Variants in CCDC192 observed in about 807,000 individuals in gnomAD.
The protein encoded by CCDC192 is coiled-coil domain containing 192, also known as coiled-coil domain-containing protein 192.
At chr5:127,934,349 A>G (rs1468572541) in intron 6 of CCDC192, among the ~76,000 whole-genome samples, 3 of 152,228 alleles carry the variant, frequency 2.0e-5, no homozygotes, top group Non-Finnish European at 2.9e-5. Flanking sequence ...TATATTATCA[A>G]AAGTTTCTAG....
chr5:127,755,447 T>G (rs1236343978), intron 3 of CCDC192, among the ~76,000 whole-genome samples: 1 of 152,178 alleles, frequency 6.6e-6, no homozygotes, highest in Non-Finnish European at 1.5e-5. Flanking sequence ...TGGCATGTAT[T>G]TATTGTTTAC....
At chr5:127,792,826 AAGGAGGAGG>A (rs968571117) in intron 3 of CCDC192, among the ~76,000 whole-genome samples, 1 of 93,994 alleles carries the variant, frequency 1.1e-5, no homozygotes, top group Non-Finnish European at 2.1e-5. Flanking sequence ...GAAGAAGAAG[AAGGAGGAGG>A]AGGAGGAGGA....
chr5:127,914,580 AC>A (rs1450948701), intron 6 of CCDC192, among the ~76,000 whole-genome samples: 1 of 152,176 alleles, frequency 6.6e-6, no homozygotes, highest in African/African-American at 2.4e-5. Context: ...GAGATTGTGA[AC>A]CTGTACAAAT....
At chr5:127,745,746 T>C (rs779649756) in intron 2 of CCDC192, among the ~76,000 whole-genome samples, 1 of 152,214 alleles carries the variant, frequency 6.6e-6, no homozygotes, top group Non-Finnish European at 1.5e-5. Context: ...TAACAGACTG[T>C]TGATTAGTAT....
At chr5:127,768,616 C>A (rs1452912864) in intron 3 of CCDC192, among the ~76,000 whole-genome samples, 2 of 152,112 alleles carry the variant, frequency 1.3e-5, no homozygotes, top group Admixed American at 6.5e-5. Context: ...CCATAGCAGA[C>A]AAATACAAGA....
intron 5 of CCDC192, among the ~76,000 whole-genome samples, chr5:127,824,346 A>G (rs574910453): frequency 1.3e-5 from 2 of 152,350 alleles, no homozygotes; most frequent in East Asian, 3.9e-4. Context: ...ATTTGAATGG[A>G]TCCTGTTTAA....
At chr5:127,875,504 A>G (rs1752038957) in intron 5 of CCDC192, 34 bp from the exon 6 acceptor site, 3 of 376,166 alleles carry the variant, frequency 8.0e-6, no homozygotes, top group Admixed American at 5.1e-5. Flanking sequence ...GTCTGTCCCT[A>G]GTGATGGAAA....
At chr5:127,752,181 G>C (rs543099270) in intron 2 of CCDC192, among the ~76,000 whole-genome samples, 1 of 152,216 alleles carries the variant, frequency 6.6e-6, no homozygotes, top group African/African-American at 2.4e-5. Flanking sequence ...TTTGGAGGAG[G>C]AGAGGCACTC....
intron 2 of CCDC192, among the ~76,000 whole-genome samples, chr5:127,714,847 T>C (rs1000025180): frequency 1.2e-4 from 19 of 152,352 alleles, no homozygotes; most frequent in Admixed American, 3.3e-4. Context: ...TGATATCTTA[T>C]TGTGGTTTTG....
intron 6 of CCDC192, among the ~76,000 whole-genome samples, chr5:127,900,487 G>A (rs762439701): frequency 1.3e-5 from 2 of 152,188 alleles, no homozygotes; most frequent in Admixed American, 6.5e-5. Flanking sequence ...TGGGAAATAC[G>A]ATCTGCCATC....
intron 6 of CCDC192, among the ~76,000 whole-genome samples, chr5:127,931,211 C>T (rs534628007): frequency 1.6e-4 from 24 of 152,282 alleles, no homozygotes; most frequent in Admixed American, 2.6e-4. Flanking sequence ...CTCTCTTTCC[C>T]ACCCCTACCC....
chr5:127,734,273 T>C (rs2126823146), intron 2 of CCDC192, among the ~76,000 whole-genome samples: 1 of 152,188 alleles, frequency 6.6e-6, no homozygotes, highest in East Asian at 1.9e-4. Context: ...TTTTTATGGC[T>C]GCATAGTATT....
chr5:127,820,712 A>AT (rs201569049), intron 5 of CCDC192, among the ~76,000 whole-genome samples: 3 of 151,942 alleles, frequency 2.0e-5, no homozygotes, highest in African/African-American at 4.8e-5. Flanking sequence ...TATACATGTT[A>AT]TTTTTTTTAA....
intron 5 of CCDC192, among the ~76,000 whole-genome samples, chr5:127,817,943 A>G (rs1455228146): frequency 4.6e-5 from 7 of 152,200 alleles, no homozygotes; most frequent in African/African-American, 7.2e-5. Flanking sequence ...AAGCTATGAC[A>G]TTGTAGAAGT....
intron 6 of CCDC192, among the ~76,000 whole-genome samples, chr5:127,929,135 T>C (rs1753948282): frequency 6.6e-6 from 1 of 152,206 alleles, no homozygotes; most frequent in African/African-American, 2.4e-5. Context: ...TATGTGATGA[T>C]CCCACTTGGC....
At chr5:127,790,351 G>T (rs1756795892) in intron 3 of CCDC192, among the ~76,000 whole-genome samples, 1 of 151,978 alleles carries the variant, frequency 6.6e-6, no homozygotes, top group Non-Finnish European at 1.5e-5. Context: ...TATCATAGTT[G>T]TACATATTTT....
chr5:127,902,648 A>G (rs1234293549), intron 6 of CCDC192, among the ~76,000 whole-genome samples: 1 of 152,232 alleles, frequency 6.6e-6, no homozygotes, highest in African/African-American at 2.4e-5. Context: ...AACTTGCATG[A>G]CTATAAAGTG....
In CCDC192 at chr5:127,890,680, T is replaced by C. The variant is rs113296017; in HGVS notation, c.535+15019T>C. Among the ~76,000 whole-genome samples, 51 of 152,360 alleles carry C rather than the reference T, an allele frequency of 3.3e-4. 1 individual carries two copies. Among genetic ancestry groups the C allele is most frequent in the African/African-American group, 1.2e-3 (48 of 41,584 alleles). On this transcript the variant is annotated intron_variant, in intron 6 of 6. Coordinates refer to ENST00000514853, the MANE Select transcript of CCDC192 (RefSeq NM_001317938.2). ...ACATCATTTTCAGTCAAAAATTCTTTCATGGATTCCCATTGCCTGTGAAAT... is the reference window on the plus strand; with the variant it reads ...ACATCATTTTCAGTCAAAAATTCTTCCATGGATTCCCATTGCCTGTGAAAT...
At chr5:127,817,526 A>G (rs899943960) in intron 5 of CCDC192, among the ~76,000 whole-genome samples, 2 of 152,222 alleles carry the variant, frequency 1.3e-5, no homozygotes, top group Admixed American at 6.5e-5. Flanking sequence ...TAAGTGAAAG[A>G]AGCCAAAAAC....
Sources: allele counts gnomAD v4.1 joint callset (sites outside exome capture counted in the v4.1 genomes callset), GRCh38; gene constraint gnomAD v4.1.1; transcripts MANE v1.5; gene names NCBI Gene and HGNC (gene_info 2026-07-23, HGNC 2026-07-21).